Variants in ZFC3H1 observed in about 807,000 individuals in gnomAD.
ZFC3H1 encodes zinc finger C3H1 domain-containing protein.
In ZFC3H1, 71 loss-of-function variants were observed where a neutral mutation model predicts 243.7. The ratio of observed to expected loss-of-function variants is 0.29; its 90% CI spans 0.24 to 0.36. ZFC3H1 has a LOEUF of 0.36. Ranked by LOEUF, ZFC3H1 falls within the 10% of genes least tolerant of loss-of-function variation. The probability of loss-of-function intolerance (pLI) is 1.00; values close to 1 mark genes in which losing one functional copy is unlikely to be tolerated. For missense variants in ZFC3H1, 1,966 were observed against 2,317.1 expected, an observed-to-expected ratio of 0.85 and a Z score of 3.11; for synonymous variants, 838 against 813.0, an observed-to-expected ratio of 1.03 and a Z score of -0.52.
chr12:71,643,362 G>A lies in ZFC3H1; in HGVS notation c.1503+733C>T, dbSNP rs1049483466. On this transcript the variant is annotated intron_variant, in intron 5 of 34. Transcript: ENST00000378743. ...TGGGAGGTGGAGGTTGCAGTGAGCC[G>A]AAACATGCCATTGCACTCCAGCCTG... 4.7e-5 allele frequency among the ~76,000 whole-genome samples: 7 copies of A among 150,392 alleles called. No homozygotes were observed. The East Asian group carries it at 9.8e-4, about 21-fold the overall frequency.
Position 71,614,929 on chromosome 12 carries a change from A to G in ZFC3H1, c.5265T>C (p.His1755=). The G allele has an allele frequency of 6.2e-7, 1 of 1,613,270 alleles. No individual in the cohort carries two copies. The highest frequency in any genetic ancestry group is 1.1e-5 in the South Asian group (1 of 91,038). The change falls in exon 29 of 35, where the codon CAT becomes CAC. Residue 1755 remains histidine (H), a synonymous_variant. Transcript: ENST00000378743. ...PYLWLIYCLC[H]PLQSSIKETV... ...TTTCTTTAATACTTGATTGAAGAGG[A>G]TGACAAAGGCTGTTTAAAAAATGAA...
At chr12:71,646,278 T>C (rs1356636990) in intron 3 of ZFC3H1, among the ~76,000 whole-genome samples, 1 of 152,240 alleles carries the variant, frequency 6.6e-6, no homozygotes, top group Non-Finnish European at 1.5e-5. Context: ...TATGGTTCTT[T>C]TTTAAATTCT....
rs768947849 is a variant in ZFC3H1 at position 71,663,395 on chromosome 12, A to G, written c.216T>C (p.Ser72=). 1.7e-5 allele frequency: 27 copies of G among 1,612,050 alleles called. No homozygotes were observed. The highest frequency in any genetic ancestry group is 1.6e-4 in the Middle Eastern group (1 of 6,084). ...GCTGAGAAGAGGACGATGACGAGGA[A>G]GAGCCACCGCCTCCGCCAGATCCAC... ...RGGGSGGGGG[S]SSSSSSSQQQ... Residue 72 remains serine (S), a synonymous_variant, in exon 1 of 35, where the codon TCT becomes TCC. Transcript: ENST00000378743.
intron 9 of ZFC3H1, among the ~76,000 whole-genome samples, chr12:71,636,176 A>G (rs1565816824): frequency 6.6e-6 from 1 of 152,172 alleles, no homozygotes; most frequent in Non-Finnish European, 1.5e-5. Context: ...TTTTGACTCC[A>G]AAAAGATAGA....
At chr12:71,625,252 A>T (rs772890347) in intron 22 of ZFC3H1, among the ~76,000 whole-genome samples, 29 of 152,234 alleles carry the variant, frequency 1.9e-4, no homozygotes, top group Non-Finnish European at 4.0e-4. Context: ...TTCAGTTGGT[A>T]AGTAAATGAC....
rs118159081 is a variant in ZFC3H1 at position 71,612,131 on chromosome 12, T to C, written c.5628-244A>G. On this transcript the variant is annotated intron_variant, in intron 31 of 34. Transcript: ENST00000378743. Reference sequence around the variant, plus strand: ...CTACACTAAGGTCCATGTATTTCTATAGGACATGAAAGCATTCCCGCCAAA... The same window carrying C: ...CTACACTAAGGTCCATGTATTTCTACAGGACATGAAAGCATTCCCGCCAAA... Among the ~76,000 whole-genome samples the C allele has an allele frequency of 3.8e-3, 582 of 152,226 alleles. 6 individuals are homozygous for C. The highest frequency in any genetic ancestry group is 6.0e-3 in the Non-Finnish European group (407 of 67,962).
chr12:71,619,428 G>C lies in ZFC3H1; in HGVS notation c.5050-19C>G, dbSNP rs759537560. Reference sequence around the variant, plus strand: ...CTCGATTCTATTTTAAAAAGAGGGAGGGGGATATATATCAGGCTTACAATG... The same window carrying C: ...CTCGATTCTATTTTAAAAAGAGGGACGGGGATATATATCAGGCTTACAATG... On this transcript the variant is annotated intron_variant, in intron 26 of 34. Transcript: ENST00000378743. 6.2e-7 allele frequency: 1 copy of C among 1,603,578 alleles called. No homozygotes were observed. The highest frequency in any genetic ancestry group is 8.5e-7 in the Non-Finnish European group (1 of 1,171,308).
intron 22 of ZFC3H1, among the ~76,000 whole-genome samples, chr12:71,624,934 T>G (rs1880125688): frequency 6.6e-6 from 1 of 152,134 alleles, no homozygotes; most frequent in African/African-American, 2.4e-5. Flanking sequence ...ACCATTGCAC[T>G]CCAGCCTGGG....
In ZFC3H1 at chr12:71,619,929, T is replaced by C; in HGVS notation, c.5046A>G (p.Leu1682=). The C allele has an allele frequency of 6.3e-7, 1 of 1,579,840 alleles. No homozygotes were observed. Among genetic ancestry groups the C allele is most frequent in the South Asian group, 1.2e-5 (1 of 86,242 alleles). ...AAGAATTATGCATCATTTTTACCTG[T>C]AAGATGAAGAATTTGCACATATGAT... ...VFYHMCKFFI[L]QNRGDNLLPF... is the part of the protein sequence containing the mutation. Residue 1682 remains leucine, a synonymous_variant, in exon 26 of 35, where the codon TTA becomes TTG. Transcript: ENST00000378743.
Position 71,629,693 on chromosome 12 carries a change from G to A in ZFC3H1, c.3742C>T (p.Leu1248Phe). Residue 1248 changes from leucine to phenylalanine, a missense_variant, in exon 19 of 35, where the codon CTT (leucine) becomes TTT (phenylalanine). Leu to Phe is a conservative substitution (Grantham distance 22, BLOSUM62 0). Around this residue, in one of 4 missense-constraint regions of ZFC3H1, gnomAD observed 1,383 missense variants for 1,723.7 expected, o/e 0.80. Transcript: ENST00000378743. ...TASAEKYVEK[L>F]FGVNKDRMSM... ...ATTCGATCTTTGTTTACTCCAAAAA[G>A]TTTCTCAACATATTTTTCTGAAATA... The A allele has an allele frequency of 6.2e-7, 1 of 1,611,580 alleles. No homozygotes were observed. The highest frequency in any genetic ancestry group is 8.5e-7 in the Non-Finnish European group (1 of 1,178,732).
At chr12:71,641,471 C>T (rs184282539) in intron 6 of ZFC3H1, among the ~76,000 whole-genome samples, 7 of 152,300 alleles carry the variant, frequency 4.6e-5, no homozygotes, top group Non-Finnish European at 8.8e-5. Flanking sequence ...TTCTCCAGTT[C>T]CTGGAATGCC....
chr12:71,641,472 C>T (rs1339095653), intron 6 of ZFC3H1, among the ~76,000 whole-genome samples: 1 of 152,200 alleles, frequency 6.6e-6, no homozygotes, highest in African/African-American at 2.4e-5. Context: ...TCTCCAGTTC[C>T]TGGAATGCCA....
chr12:71,631,239 G>A lies in ZFC3H1; in HGVS notation c.3471-285C>T, dbSNP rs545168801. ...ACATAATAAAATACTATATAATACC[G>A]GTATTTCTTACACACATTACCAGCC... On this transcript the variant is annotated intron_variant, in intron 16 of 34. Transcript: ENST00000378743. Among the ~76,000 whole-genome samples, 72 of 151,836 alleles carry A rather than the reference G, an allele frequency of 4.7e-4. No homozygotes were observed. In the South Asian group the frequency reaches 6.9e-3, roughly 14 times the overall value.
chr12:71,633,192 T>C (rs1348151587), intron 13 of ZFC3H1, 72 bp downstream of exon 13: 1 of 1,463,766 alleles, frequency 6.8e-7, no homozygotes, highest in Non-Finnish European at 9.1e-7. Flanking sequence ...TATACAGTGG[T>C]TTGTCTTACA....
intron 21 of ZFC3H1, 79 bp from the exon 22 acceptor site, chr12:71,626,525 A>G: frequency 8.1e-7 from 1 of 1,241,432 alleles, no homozygotes; most frequent in Non-Finnish European, 1.1e-6. Flanking sequence ...CAATGAGTCA[A>G]TTTTAAAATT....
rs1322998049 is a variant in ZFC3H1 at position 71,624,198 on chromosome 12, T to C, written c.4412A>G (p.Asn1471Ser). ...LMGAAKQETS[N>S]ILSFQLLEAL... ...CTCTAAAAGCTGAAAGGACAAAATATTGGATGTTTCCTGCTTGGCTGCTCC... is the reference window on the plus strand; with the variant it reads ...CTCTAAAAGCTGAAAGGACAAAATACTGGATGTTTCCTGCTTGGCTGCTCC... The change falls in exon 23 of 35, where the codon AAT (asparagine) becomes AGT (serine). Residue 1471 changes from asparagine to serine, a missense_variant. Asn to Ser is a conservative substitution (Grantham distance 46). Transcript: ENST00000378743. 2.5e-6 allele frequency: 4 copies of C among 1,614,088 alleles called. No homozygotes were observed. Among genetic ancestry groups the C allele is most frequent in the Non-Finnish European group, 3.4e-6 (4 of 1,179,994 alleles).
intron 5 of ZFC3H1, among the ~76,000 whole-genome samples, chr12:71,643,699 T>C (rs1880657677): frequency 6.6e-6 from 1 of 152,164 alleles, no homozygotes; most frequent in African/African-American, 2.4e-5. Context: ...TATTACTATA[T>C]CATGATTTAA....
At chr12:71,645,263 G>A (rs1362289844) in intron 3 of ZFC3H1, among the ~76,000 whole-genome samples, 188 bp from the exon 4 acceptor site, 6 of 152,126 alleles carry the variant, frequency 3.9e-5, no homozygotes, top group Non-Finnish European at 7.3e-5. Flanking sequence ...CCTAAAATAC[G>A]AATAGAAGAT....
chr12:71,657,241 C>A lies in ZFC3H1; in HGVS notation c.659G>T (p.Cys220Phe). The A allele has an allele frequency of 6.3e-7, 1 of 1,594,712 alleles. No homozygotes were observed. Among genetic ancestry groups the A allele is most frequent in the Non-Finnish European group, 8.5e-7 (1 of 1,173,532 alleles). ...KQNYSSKNEN[C>F]VEETFEDLLL... ...CAAATCTTCAAAAGTTTCTTCCACACAGTTTTCATTTTTTGATGAATAATT... is the reference window on the plus strand; with the variant it reads ...CAAATCTTCAAAAGTTTCTTCCACAAAGTTTTCATTTTTTGATGAATAATT... Residue 220 changes from cysteine to phenylalanine, a missense_variant, in exon 2 of 35, where the codon TGT becomes TTT. By Grantham distance (205) the Cys-to-Phe change is radical (BLOSUM62 -2). This residue lies in a region of ZFC3H1 where 484 missense variants were observed against 449.7 expected (regional missense o/e 1.08). Coordinates refer to ENST00000378743, the MANE Select transcript of ZFC3H1 (RefSeq NM_144982.5).
Sources: gnomAD v4.1 joint callset for allele counts (sites outside exome capture counted in the v4.1 genomes callset) on GRCh38, gnomAD v4.1.1 for gene constraint, gnomAD v4.1.1 regional missense constraint, MANE v1.5 for transcripts, NCBI Gene and HGNC (gene_info 2026-07-23, HGNC 2026-07-21) for gene names.